POU2F2: variants seen among roughly 807,000 people sequenced by gnomAD.
POU2F2 encodes the protein POU domain, class 2, transcription factor 2.
POU2F2 carries 14 observed loss-of-function variants against 63.5 expected under a neutral mutation model. That is an observed-to-expected ratio of 0.22 (90% CI 0.15 to 0.34). The LOEUF is 0.34. Ranked by LOEUF, POU2F2 falls within the 10% of genes least tolerant of loss-of-function variation. The probability of loss-of-function intolerance (pLI) is 1.00; values close to 1 mark genes in which losing one functional copy is unlikely to be tolerated. For synonymous variants in POU2F2, 306 were observed against 348.6 expected (o/e 0.88, Z 1.36); for missense variants, 607 against 815.2 (o/e 0.74, Z 3.11).
chr19:42,178,509 T>C (rs1438585911), upstream of POU2F2, among the ~76,000 whole-genome samples: 1 of 151,658 alleles, frequency 6.6e-6, no homozygotes, highest in Non-Finnish European at 1.5e-5. Flanking sequence ...AGGTAAGAGA[T>C]ATAGACCTGC....
chr19:42,196,912 G>A (rs560456789), upstream of POU2F2, among the ~76,000 whole-genome samples: 1 of 152,384 alleles, frequency 6.6e-6, no homozygotes, highest in East Asian at 1.9e-4. Flanking sequence ...CAGGGTTAAG[G>A]GGGAGGTGAC....
intron 1 of POU2F2, among the ~76,000 whole-genome samples, chr19:42,166,174 C>G (rs1420916017): frequency 6.6e-6 from 1 of 152,216 alleles, no homozygotes; most frequent in Non-Finnish European, 1.5e-5. Flanking sequence ...GCACAAGCTC[C>G]CCATCACCTG....
intron 5 of POU2F2, among the ~76,000 whole-genome samples, chr19:42,100,732 C>T (rs1486223878): frequency 1.3e-5 from 2 of 151,902 alleles, no homozygotes; most frequent in Non-Finnish European, 2.9e-5. Context: ...ACCTGGGTGA[C>T]AGAGCAAGAC....
chr19:42,163,781 C>A (rs566311626), intron 1 of POU2F2, among the ~76,000 whole-genome samples: 1 of 152,042 alleles, frequency 6.6e-6, no homozygotes, highest in Non-Finnish European at 1.5e-5. Flanking sequence ...TAGGGGAAAT[C>A]AAAAACCAAC....
At chr19:42,127,388 C>CT (rs967953091) in intron 1 of POU2F2, among the ~76,000 whole-genome samples, 13 of 150,276 alleles carry the variant, frequency 8.7e-5, no homozygotes, top group South Asian at 4.2e-4. Flanking sequence ...GTTTTCTTTT[C>CT]TTTTTTTTTG....
Position 42,095,246 on chromosome 19 carries a change from G to A in POU2F2, c.1197+40C>T, listed in dbSNP as rs1472649424. 2 of 1,587,812 alleles carry A rather than the reference G, an allele frequency of 1.3e-6. No homozygotes were observed. The highest frequency in any genetic ancestry group is 2.7e-5 in the African/African-American group (2 of 74,652). On this transcript the variant is annotated intron_variant, in intron 11 of 14. Transcript: ENST00000692977. This position sits in a 1 kb window ranked among gnomAD's most constrained non-coding sequence, Gnocchi z 7.1. ...TGGGCTTCACACAGGTGCCTGCGGA[G>A]CTCTGTGGTCTCCCCACCCCCCAGG... is the stretch of plus-strand genomic sequence containing the variant.
At chr19:42,179,513 G>C (rs758117417), upstream of POU2F2, among the ~76,000 whole-genome samples, 3 of 151,054 alleles carry the variant, frequency 2.0e-5, no homozygotes, top group Non-Finnish European at 4.4e-5. Flanking sequence ...GAGAGGGAGG[G>C]AACAGGAGGG....
At chr19:42,102,871 C>T (rs2077196839) in intron 5 of POU2F2, among the ~76,000 whole-genome samples, 1 of 152,138 alleles carries the variant, frequency 6.6e-6, no homozygotes, top group Non-Finnish European at 1.5e-5. Context: ...CCGCTTTACA[C>T]ACACAATCCA....
chr19:42,128,729 C>T (rs543647206), intron 1 of POU2F2, among the ~76,000 whole-genome samples: 108 of 152,318 alleles, frequency 7.1e-4, no homozygotes, highest in Non-Finnish European at 9.0e-4. Context: ...TCGCCTATCA[C>T]TCAACTCTAG....
At chr19:42,151,209 T>C (rs1599672689) in intron 2 of POU2F2, among the ~76,000 whole-genome samples, 1 of 148,586 alleles carries the variant, frequency 6.7e-6, no homozygotes, top group African/African-American at 2.5e-5. Flanking sequence ...CTCTTTCCCC[T>C]CCCCCTTCCT....
upstream of POU2F2, among the ~76,000 whole-genome samples, chr19:42,196,769 C>A (rs913851383): frequency 2.0e-5 from 3 of 152,280 alleles, no homozygotes; most frequent in Non-Finnish European, 2.9e-5. Context: ...CTCAGGGAGG[C>A]TCTGGAGGCG....
upstream of POU2F2, among the ~76,000 whole-genome samples, chr19:42,197,111 T>A (rs1254008652): frequency 6.6e-6 from 1 of 152,118 alleles, no homozygotes; most frequent in Non-Finnish European, 1.5e-5. Context: ...TAACCCCACC[T>A]AGAGGAGAGC....
At chr19:42,138,494 C>A (rs2034063670) in intron 2 of POU2F2, among the ~76,000 whole-genome samples, 1 of 151,968 alleles carries the variant, frequency 6.6e-6, no homozygotes, top group Non-Finnish European at 1.5e-5. Context: ...TCCTCAAGTT[C>A]CTTTGAGGTT....
rs2076917096 is a variant in POU2F2 at position 42,096,233 on chromosome 19, C to T, written c.578G>A (p.Arg193His). 2 of 685,908 alleles carry T rather than the reference C, an allele frequency of 2.9e-6. No individual in the cohort carries two copies. The highest frequency in any genetic ancestry group is 2.4e-6 in the Non-Finnish European group (1 of 422,034). 42.5% of individuals were successfully genotyped at this position (685,908 alleles called of 1,614,324 possible). The stretch of plus-strand genomic sequence containing the variant: ...GAGGTGCGGGTCGGGCAGCGTAGGG[C>T]GGGTCACGGCCTGGTGGGGTGGGCA... The part of the protein sequence containing the change: ...RAGLPTQAVT[R>H]PTLPDPHLSH... Residue 193 changes from arginine to histidine, a missense_variant, in exon 8 of 15, where the codon CGC becomes CAC. Physicochemically the swap from Arg to His is conservative, Grantham distance 29 (BLOSUM62 0). This residue lies in a region of POU2F2 where 224 missense variants were observed against 264.3 expected (regional missense o/e 0.85). Coordinates refer to ENST00000692977, the MANE Select transcript of POU2F2 (RefSeq NM_001394376.1). The surrounding 1 kb of genome is among the most constrained non-coding windows in gnomAD (Gnocchi z 4.1).
In POU2F2 at chr19:42,152,114, C is replaced by T. The variant is rs1039524455; in HGVS notation, c.-9+8218G>A. ...CACCCATGACACTGCGTCAGGGCCT[C>T]CCATCCACCCAGCCTGACTGTGGGG... On this transcript the variant is annotated intron_variant, in intron 2 of 6. Coordinates refer to the POU2F2 transcript ENST00000524801. The surrounding 1 kb of genome is among the most constrained non-coding windows in gnomAD (Gnocchi z 4.1). Among the ~76,000 whole-genome samples, 4 of 152,170 alleles carry T rather than the reference C, an allele frequency of 2.6e-5. No individual in the cohort carries two copies. Among genetic ancestry groups the T allele is most frequent in the African/African-American group, 7.2e-5 (3 of 41,442 alleles).
intron 4 of POU2F2, among the ~76,000 whole-genome samples, chr19:42,119,678 C>T (rs1039164642): frequency 2.6e-5 from 4 of 152,054 alleles, no homozygotes; most frequent in Admixed American, 6.5e-5. Context: ...CCTCAAAAAT[C>T]GCTTGAACCC....
Position 42,108,175 on chromosome 19 carries a change from C to T in POU2F2, c.370-8354G>A, listed in dbSNP as rs373168415. Among the ~76,000 whole-genome samples the T allele has an allele frequency of 4.4e-4, 67 of 152,310 alleles. 1 individual carries two copies. In the South Asian group the frequency reaches 0.013, roughly 31 times the overall value. On this transcript the variant is annotated intron_variant, in intron 5 of 14. Transcript: ENST00000692977. Reference sequence around the variant, plus strand: ...TTCCTGCCTATCTCCCCAACTACAGCGGGTGTCAGCTCCAAGAGGGCACAG... The same window carrying T: ...TTCCTGCCTATCTCCCCAACTACAGTGGGTGTCAGCTCCAAGAGGGCACAG...
At chr19:42,176,584 A>C (rs1411520207), upstream of POU2F2, among the ~76,000 whole-genome samples, 3 of 147,648 alleles carry the variant, frequency 2.0e-5, no homozygotes, top group Admixed American at 1.3e-4. Context: ...TCCTTTCCTC[A>C]TCCTTCTTGC....
At chr19:42,147,893 C>G (rs1036867521) in intron 2 of POU2F2, among the ~76,000 whole-genome samples, 7 of 152,238 alleles carry the variant, frequency 4.6e-5, no homozygotes, top group African/African-American at 1.7e-4. Flanking sequence ...TGTATTTCCC[C>G]TTTCCCTGAC....
Sources: allele counts gnomAD v4.1 joint callset (sites outside exome capture counted in the v4.1 genomes callset), GRCh38; gene constraint gnomAD v4.1.1; regional missense constraint gnomAD v4.1.1; non-coding constraint Gnocchi (gnomAD v3.1); transcripts MANE v1.5; gene names NCBI Gene and HGNC (gene_info 2026-07-23, HGNC 2026-07-21).